The following TNRC6B variants were observed in gnomAD, a reference collection of about 807,000 sequenced individuals.
TNRC6B encodes trinucleotide repeat containing adaptor 6B, also known as trinucleotide repeat-containing gene 6B protein.
In TNRC6B, 52 loss-of-function variants were observed where a neutral mutation model predicts 203.6. The observed-to-expected ratio is 0.26, with a 90% CI of 0.20 to 0.32. The LOEUF (loss-of-function observed/expected upper bound fraction) is 0.32. Ranked by LOEUF, TNRC6B falls within the 10% of genes least tolerant of loss-of-function variation. The pLI is 1.00. For synonymous variants in TNRC6B, 838 were observed against 845.7 expected (o/e 0.99, Z 0.16); for missense variants, 1,923 against 2,286.2 (o/e 0.84, Z 3.24).
At chr22:40,189,252 G>GT in intron 1 of TNRC6B, among the ~76,000 whole-genome samples, 1 of 152,262 alleles carries the variant, frequency 6.6e-6, no homozygotes, top group South Asian at 2.1e-4. Flanking sequence ...ATGAATATGT[G>GT]TTTATACTTT....
At chr22:40,203,405 ACTC>A (rs1013894872) in intron 1 of TNRC6B, among the ~76,000 whole-genome samples, 3 of 151,972 alleles carry the variant, frequency 2.0e-5, no homozygotes, top group Admixed American at 2.0e-4. Flanking sequence ...TCATGAGAGT[ACTC>A]CTTGCGTCTG....
intron 1 of TNRC6B, among the ~76,000 whole-genome samples, chr22:40,062,100 A>G (rs191857061): frequency 2.0e-5 from 3 of 152,138 alleles, no homozygotes; most frequent in Middle Eastern, 3.4e-3. Flanking sequence ...CTTTACAACT[A>G]TATGTCTCCA....
chr22:40,261,569 G>T (rs570263697), intron 3 of TNRC6B, among the ~76,000 whole-genome samples: 1 of 151,914 alleles, frequency 6.6e-6, no homozygotes, highest in South Asian at 2.1e-4. Context: ...CACTCACACT[G>T]GGTGACAGTG....
chr22:40,254,408 T>C (rs1271927711), intron 3 of TNRC6B, among the ~76,000 whole-genome samples: 1 of 152,112 alleles, frequency 6.6e-6, no homozygotes, highest in African/African-American at 2.4e-5. Context: ...TAATCCCAGC[T>C]ACTTGGGAGG....
intron 18 of TNRC6B, 63 bp from the exon 19 acceptor site, chr22:40,312,839 A>G: frequency 6.6e-7 from 1 of 1,522,830 alleles, no homozygotes; most frequent in South Asian, 1.1e-5. Flanking sequence ...AATACTCTCA[A>G]GGTTTCACTG....
At chr22:40,280,499 G>C (rs936042965) in intron 10 of TNRC6B, among the ~76,000 whole-genome samples, 2 of 152,202 alleles carry the variant, frequency 1.3e-5, no homozygotes, top group Non-Finnish European at 2.9e-5. Context: ...CTAAGGCCTT[G>C]CCTTCTTCTA....
chr22:40,171,560 T>C (rs984776756), intron 4 of TNRC6B, among the ~76,000 whole-genome samples: 7 of 152,208 alleles, frequency 4.6e-5, no homozygotes, highest in African/African-American at 1.7e-4. Flanking sequence ...GTTTGTATTT[T>C]GAACTTGTAT....
intron 12 of TNRC6B, among the ~76,000 whole-genome samples, chr22:40,293,190 C>CTTTTTTTTTTTTTT (rs748230080): frequency 1.3e-5 from 1 of 79,454 alleles, no homozygotes; most frequent in Non-Finnish European, 2.3e-5. Context: ...ATATCCTTTT[C>CTTTTTTTTTTTTTT]TTTTTTTTTT....
At chr22:40,305,865 A>G (rs184658466) in intron 15 of TNRC6B, among the ~76,000 whole-genome samples, 27 of 151,004 alleles carry the variant, frequency 1.8e-4, no homozygotes, top group African/African-American at 2.9e-4. Flanking sequence ...TCTTTCTCTC[A>G]TTCATTTTCT....
Position 40,300,471 on chromosome 22 carries a change from T to G in TNRC6B, c.3725T>G (p.Leu1242Arg). 1 of 1,590,532 alleles carries G rather than the reference T, an allele frequency of 6.3e-7. No homozygotes were observed. The highest frequency in any genetic ancestry group is 8.5e-7 in the Non-Finnish European group (1 of 1,172,892). The change falls in exon 13 of 23, where the codon CTC becomes CGC. Residue 1242 changes from leucine to arginine, a missense_variant. Leu to Arg is a moderately radical substitution (Grantham distance 102). Around this residue, in one of 8 missense-constraint regions of TNRC6B, gnomAD observed 242 missense variants for 399.5 expected, o/e 0.61. Coordinates refer to ENST00000454349, the MANE Select transcript of TNRC6B (RefSeq NM_001162501.2). The stretch of plus-strand genomic sequence containing the variant: ...TTTGGCTAGGTTTCTGCCTCAATGC[T>G]CAAGCAGTTTCCCAACAGTGGCCTG... Reference protein sequence around the residue: ...FISPQVSASMLKQFPNSGLSP... With the variant: ...FISPQVSASMRKQFPNSGLSP...
intron 1 of TNRC6B, among the ~76,000 whole-genome samples, chr22:40,076,580 CT>C (rs2068015779): frequency 6.6e-6 from 1 of 151,942 alleles, no homozygotes; most frequent in South Asian, 2.1e-4. Flanking sequence ...TTGTTTCTTT[CT>C]TTTGTAGAGA....
intron 4 of TNRC6B, among the ~76,000 whole-genome samples, chr22:40,161,792 G>A (rs2068873532): frequency 6.6e-6 from 1 of 152,098 alleles, no homozygotes; most frequent in South Asian, 2.1e-4. Context: ...ATTTTTCTGG[G>A]ATATTGTCTT....
rs758129478 is a variant in TNRC6B, at chr22:40,171,658, G to A, written c.113+15476G>A. 7.9e-5 allele frequency among the ~76,000 whole-genome samples: 12 copies of A among 152,052 alleles called. 1 individual carries two copies. The highest frequency in any genetic ancestry group is 5.9e-4 in the Admixed American group (9 of 15,252). On this transcript the variant is annotated intron_variant, in intron 4 of 23. Coordinates refer to the TNRC6B transcript ENST00000301923. ...GTGGAAAGCAACTAATGGATAAAAT[G>A]GCGCTGTTTTCTTTTCCTGCTGAAA...
At chr22:40,177,601 C>A (rs1440062603), upstream of TNRC6B, among the ~76,000 whole-genome samples, 1 of 152,182 alleles carries the variant, frequency 6.6e-6, no homozygotes. Context: ...CTTGCCCAAA[C>A]ATCTAGAGAA....
intron 12 of TNRC6B, among the ~76,000 whole-genome samples, chr22:40,293,282 C>T (rs912676647): frequency 2.1e-5 from 3 of 145,572 alleles, no homozygotes; most frequent in Admixed American, 7.4e-5. Flanking sequence ...TGCAACTCTG[C>T]CCCCGGGTTC....
At chr22:40,277,875 A>G (rs772550536) in intron 8 of TNRC6B, 124 bp from the exon 9 acceptor site, 21 of 717,640 alleles carry the variant, frequency 2.9e-5, no homozygotes, top group African/African-American at 1.0e-4. Context: ...AGTACCATCA[A>G]GTTCATTTCA....
At chr22:40,071,214 A>G (rs1445383793) in intron 1 of TNRC6B, among the ~76,000 whole-genome samples, 1 of 152,116 alleles carries the variant, frequency 6.6e-6, no homozygotes, top group East Asian at 1.9e-4. Flanking sequence ...ACAAAGCTCA[A>G]TACCTTAGGC....
At chr22:40,260,455 T>A (rs1377927588) in intron 3 of TNRC6B, among the ~76,000 whole-genome samples, 1 of 152,170 alleles carries the variant, frequency 6.6e-6, no homozygotes, top group African/African-American at 2.4e-5. Flanking sequence ...AAATGGAGAA[T>A]TTCTGTGATA....
At chr22:40,057,292 G>GTTTTT (rs398037161) in intron 1 of TNRC6B, among the ~76,000 whole-genome samples, 2 of 130,014 alleles carry the variant, frequency 1.5e-5, no homozygotes, top group African/African-American at 2.9e-5. Flanking sequence ...AATATGCCAG[G>GTTTTT]TTTTTTTTTT....
Sources: allele counts gnomAD v4.1 joint callset (sites outside exome capture counted in the v4.1 genomes callset), GRCh38; gene constraint gnomAD v4.1.1; regional missense constraint gnomAD v4.1.1; transcripts MANE v1.5; gene names NCBI Gene and HGNC (gene_info 2026-07-23, HGNC 2026-07-21).